The following PAK2 variants were observed in gnomAD, a reference collection of about 807,000 sequenced individuals.
PAK2 encodes p21 (RAC1) activated kinase 2, also known as serine/threonine-protein kinase PAK 2.
PAK2 carries 21 observed loss-of-function variants against 65.9 expected under a neutral mutation model. The ratio of observed to expected loss-of-function variants is 0.32; its 90% CI spans 0.23 to 0.46. The LOEUF (loss-of-function observed/expected upper bound fraction) is 0.46. Among genes scored for constraint, PAK2 ranks in the 20% least tolerant of loss-of-function variants. PAK2 has a pLI of 1.00. For synonymous variants in PAK2, 204 were observed against 219.7 expected, an observed-to-expected ratio of 0.93 and a Z score of 0.63; for missense variants, 324 against 642.6, an observed-to-expected ratio of 0.50 and a Z score of 5.36.
chr3:196,760,985 C>T (rs1259073895), intron 1 of PAK2, among the ~76,000 whole-genome samples: 1 of 151,970 alleles, frequency 6.6e-6, no homozygotes, highest in Non-Finnish European at 1.5e-5. Context: ...GCCTGTAATC[C>T]CAGCACTTTG....
At position 196,820,739 on chromosome 3, in the gene PAK2, G is replaced by A. The variant is rs1477746952; in HGVS notation, c.1350+172G>A. Among the ~76,000 whole-genome samples, 1 of 152,228 alleles carries A rather than the reference G, an allele frequency of 6.6e-6. No individual in the cohort carries two copies. Among genetic ancestry groups the A allele is most frequent in the Non-Finnish European group, 1.5e-5 (1 of 68,054 alleles). On this transcript the variant is annotated intron_variant, in intron 13 of 14. Coordinates refer to ENST00000327134, the MANE Select transcript of PAK2 (RefSeq NM_002577.4). The surrounding 1 kb of genome is among the most constrained non-coding windows in gnomAD (Gnocchi z 4.6). Reference sequence around the variant, plus strand: ...TTTGCTCTCTGAGTTACAAATTAATGTGTTAGGTGAAGACTTTGTAGGTTT... The same window carrying A: ...TTTGCTCTCTGAGTTACAAATTAATATGTTAGGTGAAGACTTTGTAGGTTT...
chr3:196,766,844 T>C (rs1266022421), intron 1 of PAK2, among the ~76,000 whole-genome samples: 2 of 151,216 alleles, frequency 1.3e-5, no homozygotes, highest in African/African-American at 2.4e-5. Flanking sequence ...ATGTTGAATA[T>C]ATGCAATTTT....
intron 1 of PAK2, among the ~76,000 whole-genome samples, chr3:196,758,239 A>G (rs2108717011): frequency 6.6e-6 from 1 of 152,384 alleles, no homozygotes; most frequent in East Asian, 1.9e-4. Flanking sequence ...GAAGAAATCC[A>G]GTGTGATGAA....
intron 10 of PAK2, 28 bp from the exon 11 acceptor site, chr3:196,814,423 G>T: frequency 1.2e-6 from 1 of 801,586 alleles, no homozygotes; most frequent in South Asian, 1.5e-5. Flanking sequence ...ATAAAAGTGT[G>T]ACTGTATTTG....
At chr3:196,792,831 A>G (rs1715117838) in intron 2 of PAK2, among the ~76,000 whole-genome samples, 1 of 151,514 alleles carries the variant, frequency 6.6e-6, no homozygotes, top group Non-Finnish European at 1.5e-5. Flanking sequence ...ACACACACAC[A>G]CGGTCAAAGA....
chr3:196,778,285 G>T (rs1271926103), intron 1 of PAK2, among the ~76,000 whole-genome samples: 1 of 152,090 alleles, frequency 6.6e-6, no homozygotes, highest in African/African-American at 2.4e-5. Flanking sequence ...TTGTGTATCC[G>T]TTCATCAGTT....
At chr3:196,740,355 T>A (rs756981720) in intron 1 of PAK2, among the ~76,000 whole-genome samples, 198 bp downstream of exon 1, 2 of 152,116 alleles carry the variant, frequency 1.3e-5, no homozygotes, top group Non-Finnish European at 2.9e-5. Flanking sequence ...GCCGTTTTCT[T>A]CGCTGGCTTT....
intron 8 of PAK2, among the ~76,000 whole-genome samples, 184 bp from the exon 9 acceptor site, chr3:196,812,035 G>C (rs572953559): frequency 6.6e-6 from 1 of 151,720 alleles, no homozygotes; most frequent in African/African-American, 2.4e-5. Context: ...AAGTTTTGCC[G>C]TAAGGATTGT....
At chr3:196,744,757 ATAT>A (rs2108704426) in intron 1 of PAK2, among the ~76,000 whole-genome samples, 1 of 152,190 alleles carries the variant, frequency 6.6e-6, no homozygotes, top group South Asian at 2.1e-4. Context: ...AAGTCATTAG[ATAT>A]TATGCTGTAT....
intron 13 of PAK2, among the ~76,000 whole-genome samples, chr3:196,823,462 CTAT>C: frequency 6.6e-6 from 1 of 152,066 alleles, no homozygotes; most frequent in East Asian, 1.9e-4. Flanking sequence ...CGCCAAGCTC[CTAT>C]CAGCAGATCC....
At chr3:196,822,945 C>T (rs780004039) in intron 13 of PAK2, among the ~76,000 whole-genome samples, 6 of 152,120 alleles carry the variant, frequency 3.9e-5, no homozygotes, top group South Asian at 2.1e-4. Context: ...TGCGGTCGAT[C>T]GGCGAAGAAA....
chr3:196,803,872 A>G (rs1010977883), intron 4 of PAK2, among the ~76,000 whole-genome samples: 1 of 152,196 alleles, frequency 6.6e-6, no homozygotes, highest in Non-Finnish European at 1.5e-5. Context: ...ATATAGTGTA[A>G]GAGTTGGTGT....
intron 10 of PAK2, among the ~76,000 whole-genome samples, chr3:196,813,209 T>C (rs1453963069): frequency 6.6e-6 from 1 of 152,178 alleles, no homozygotes; most frequent in South Asian, 2.1e-4. Flanking sequence ...TTTCAAATGC[T>C]ATCCTTCATG....
chr3:196,804,971 CTCAG>C (rs1234880314), intron 4 of PAK2, among the ~76,000 whole-genome samples: 1 of 152,038 alleles, frequency 6.6e-6, no homozygotes, highest in South Asian at 2.1e-4. Context: ...CATTAAGTTC[CTCAG>C]TCAGCAGTTT....
rs1355587316 is a variant in PAK2 at position 196,831,740 on chromosome 3, A to G, written c.*3335A>G. ...AGAAAAAAACAAAATAGATGCTTAA[A>G]GAATTTGCATCCATTTTTGAGTCTA... On this transcript the variant is annotated 3_prime_UTR_variant, in exon 15 of 15. Transcript: ENST00000327134. The G allele has an allele frequency of 6.6e-5, 10 of 152,246 alleles. No homozygotes were observed. The highest frequency in any genetic ancestry group is 3.3e-4 in the Admixed American group (5 of 15,276). 9.4% of individuals were successfully genotyped at this position (152,246 alleles called of 1,614,324 possible).
intron 8 of PAK2, 64 bp from the exon 9 acceptor site, chr3:196,812,153 CTT>C: frequency 2.2e-6 from 2 of 893,990 alleles, no homozygotes; most frequent in Non-Finnish European, 3.8e-6. Flanking sequence ...AGTGTAAAGT[CTT>C]TGGATATTGC....
At chr3:196,800,161 G>A (rs1029479258) in intron 2 of PAK2, among the ~76,000 whole-genome samples, 2 of 152,104 alleles carry the variant, frequency 1.3e-5, no homozygotes, top group Admixed American at 6.6e-5. Flanking sequence ...CAGATGGATC[G>A]CTTGAGGCCA....
rs1478592200 is a variant in PAK2, at chr3:196,831,301, C to T, written c.*2896C>T. 1.3e-5 allele frequency: 2 copies of T among 152,116 alleles called. No homozygotes were observed. The highest frequency in any genetic ancestry group is 2.9e-5 in the Non-Finnish European group (2 of 68,032). The allele number at this position is 152,116 out of a possible 1,614,324, so 9.4% of individuals were successfully genotyped here. ...TAATAGTCCTCTTGTGTTATTAGGA[C>T]AGTATTATTATAGTACTTATTTATT... On this transcript the variant is annotated 3_prime_UTR_variant, in exon 15 of 15. Coordinates refer to ENST00000327134, the MANE Select transcript of PAK2 (RefSeq NM_002577.4).
intron 1 of PAK2, among the ~76,000 whole-genome samples, chr3:196,770,618 T>G (rs536472939): frequency 3.0e-4 from 45 of 152,088 alleles, no homozygotes; most frequent in South Asian, 1.5e-3. Flanking sequence ...GTATTTTATT[T>G]TATTGTATTG....
Sources: allele counts gnomAD v4.1 joint callset (sites outside exome capture counted in the v4.1 genomes callset), GRCh38; gene constraint gnomAD v4.1.1; non-coding constraint Gnocchi (gnomAD v3.1); transcripts MANE v1.5; gene names NCBI Gene and HGNC (gene_info 2026-07-23, HGNC 2026-07-21).